MPDZ: variants seen among roughly 807,000 people sequenced by gnomAD.
MPDZ encodes multiple PDZ domain crumbs cell polarity complex component, also known as multiple PDZ domain protein.
A neutral mutation model predicts 239.1 loss-of-function variants in MPDZ; 234 were observed. The ratio of observed to expected loss-of-function variants is 0.98; its 90% confidence interval spans 0.88 to 1.09. The LOEUF (loss-of-function observed/expected upper bound fraction) is 1.09. MPDZ is among the 50% of genes least tolerant of loss of function. The pLI, the probability that MPDZ is intolerant of heterozygous loss-of-function variation, is 0.00. For synonymous variants in MPDZ, 1,048 were observed against 881.3 expected (o/e 1.19, Z -3.35); for missense variants, 3,175 against 2,510.0 (o/e 1.26, Z -5.66).
chr9:13,109,912 A>T, intron 45 of MPDZ, 40 bp downstream of exon 45: 3 of 1,504,120 alleles, frequency 2.0e-6, no homozygotes, highest in Non-Finnish European at 2.7e-6. Context: ...CTTGATTCAT[A>T]AGTGAAAAAT....
intron 17 of MPDZ, 42 bp from the exon 18 acceptor site, chr9:13,186,428 G>C (rs1393923081): frequency 3.0e-6 from 4 of 1,337,486 alleles, no homozygotes; most frequent in Middle Eastern, 3.6e-4. Context: ...AGAGAGAACA[G>C]CAAAGAAGAA....
At chr9:13,230,222 C>A (rs1310685819) in intron 3 of MPDZ, among the ~76,000 whole-genome samples, 1 of 152,050 alleles carries the variant, frequency 6.6e-6, no homozygotes, top group Non-Finnish European at 1.5e-5. Context: ...AAATGGTACA[C>A]CCCACTGAAA....
At chr9:13,210,485 T>C (rs1957494771) in intron 10 of MPDZ, among the ~76,000 whole-genome samples, 1 of 151,964 alleles carries the variant, frequency 6.6e-6, no homozygotes, top group Non-Finnish European at 1.5e-5. Flanking sequence ...ATTTCCCCCT[T>C]GACTTCAAGT....
intron 32 of MPDZ, among the ~76,000 whole-genome samples, chr9:13,131,642 G>C (rs944339232): frequency 1.3e-5 from 2 of 152,156 alleles, no homozygotes; most frequent in African/African-American, 4.8e-5. Flanking sequence ...GTTTCAGCAA[G>C]AAATTCTGAG....
chr9:13,110,433 A>G (rs927133165), intron 44 of MPDZ, among the ~76,000 whole-genome samples: 21 of 152,300 alleles, frequency 1.4e-4, no homozygotes, highest in African/African-American at 4.6e-4. Context: ...AAAGTATAAA[A>G]CAATCAATGC....
At chr9:13,216,937 T>G in intron 9 of MPDZ, 75 bp from the exon 10 acceptor site, 1 of 1,114,956 alleles carries the variant, frequency 9.0e-7, no homozygotes, top group Non-Finnish European at 1.3e-6. Flanking sequence ...ATTCTCCAAC[T>G]ATAAAGCTCT....
intron 10 of MPDZ, among the ~76,000 whole-genome samples, chr9:13,208,477 C>G (rs1174914857): frequency 6.6e-6 from 1 of 150,860 alleles, no homozygotes; most frequent in Non-Finnish European, 1.5e-5. Context: ...AAAAAAAAGA[C>G]CTAGATCAGT....
rs373573260 is a variant in MPDZ at position 13,125,415 on chromosome 9, G to C, written c.4633-25C>G. The C allele has an allele frequency of 3.8e-6, 6 of 1,598,024 alleles. No homozygotes were observed. In the South Asian group the frequency reaches 6.7e-5, roughly 18 times the overall value. On this transcript the variant is annotated intron_variant, in intron 34 of 46. Coordinates refer to ENST00000319217, the MANE Select transcript of MPDZ (RefSeq NM_001378778.1). Reference sequence around the variant, plus strand: ...ACTGGCAGGGTGTATGTGTGGAAGAGAAACAAAATTCAAAGCTGAATTAGT... The same window carrying C: ...ACTGGCAGGGTGTATGTGTGGAAGACAAACAAAATTCAAAGCTGAATTAGT...
chr9:13,269,660 A>T (rs1459610255), intron 1 of MPDZ, among the ~76,000 whole-genome samples: 2 of 152,216 alleles, frequency 1.3e-5, no homozygotes. Flanking sequence ...TAAAAGAAGT[A>T]TTTTTCATAA....
chr9:13,251,851 TG>T (rs1432206163), intron 1 of MPDZ, among the ~76,000 whole-genome samples: 6 of 152,236 alleles, frequency 3.9e-5, no homozygotes, highest in African/African-American at 1.4e-4. Flanking sequence ...TACTGGCACT[TG>T]TTTTAAAAAG....
rs869272418 is a variant in MPDZ, at chr9:13,136,325, C to CTTTTTTTT, written c.4293-151_4293-144dup. 239 of 156,696 alleles carry CTTTTTTTT rather than the reference C, an allele frequency of 1.5e-3. 17 individuals are homozygous for CTTTTTTTT. The highest frequency in any genetic ancestry group is 5.4e-3 in the East Asian group (25 of 4,624). 9.7% of individuals were successfully genotyped at this position (156,696 alleles called of 1,614,324 possible). ...ACACTTACAAATTTACAAACGTTTT[C>CTTTTTTTT]TTTTTTTTTTTTTTTTTTTTTTTTG... On this transcript the variant is annotated intron_variant, in intron 30 of 46. Transcript: ENST00000319217.
At chr9:13,217,814 CAT>C (rs1958552444) in intron 8 of MPDZ, among the ~76,000 whole-genome samples, 1 of 151,866 alleles carries the variant, frequency 6.6e-6, no homozygotes. Flanking sequence ...TAAGACTCTA[CAT>C]GTCTTAATTC....
intron 3 of MPDZ, among the ~76,000 whole-genome samples, chr9:13,234,106 A>G (rs952852438): frequency 6.6e-6 from 1 of 152,166 alleles, no homozygotes; most frequent in Non-Finnish European, 1.5e-5. Context: ...TAATTATGCC[A>G]TACTTTCACA....
At chr9:13,207,451 T>C (rs2135738677) in intron 10 of MPDZ, among the ~76,000 whole-genome samples, 1 of 152,296 alleles carries the variant, frequency 6.6e-6, no homozygotes, top group East Asian at 1.9e-4. Flanking sequence ...TTCCTCTGAC[T>C]TGCAGTTCTC....
At chr9:13,199,372 A>G (rs913760979) in intron 12 of MPDZ, among the ~76,000 whole-genome samples, 5 of 151,848 alleles carry the variant, frequency 3.3e-5, no homozygotes, top group African/African-American at 1.2e-4. Flanking sequence ...AACTTTACTA[A>G]ATTCATGTAT....
At chr9:13,150,416 C>T (rs191626429) in intron 25 of MPDZ, 95 bp downstream of exon 25, 10 of 983,438 alleles carry the variant, frequency 1.0e-5, no homozygotes, top group Non-Finnish European at 5.4e-6. Context: ...AGCACATGTA[C>T]CCTAAAACTT....
chr9:13,255,208 G>A (rs1323800314), intron 1 of MPDZ, among the ~76,000 whole-genome samples: 1 of 152,148 alleles, frequency 6.6e-6, no homozygotes, highest in East Asian at 1.9e-4. Context: ...TCATGAAAGT[G>A]CAGCAATTCA....
At position 13,263,986 on chromosome 9, in the gene MPDZ, T is replaced by C. The variant is rs1272875864; in HGVS notation, c.-57-13614A>G. Among the ~76,000 whole-genome samples the C allele has an allele frequency of 4.6e-5, 7 of 152,276 alleles. No individual in the cohort carries two copies. In the East Asian group the frequency reaches 7.7e-4, roughly 17 times the overall value. ...ACATACACAGATCAAAATCACTACA[T>C]TGACCAAGAATCCACATACTTTAAG... is the stretch of plus-strand genomic sequence containing the variant. On this transcript the variant is annotated intron_variant, in intron 1 of 46. Coordinates refer to ENST00000319217, the MANE Select transcript of MPDZ (RefSeq NM_001378778.1).
chr9:13,110,585 G>C (rs1942284803), intron 44 of MPDZ, 51 bp downstream of exon 44: 1 of 1,278,332 alleles, frequency 7.8e-7, no homozygotes. Context: ...CAAAGCTCAT[G>C]TGTCTTCAGG....
Sources: gnomAD v4.1 joint callset for allele counts (sites outside exome capture counted in the v4.1 genomes callset) on GRCh38, gnomAD v4.1.1 for gene constraint, MANE v1.5 for transcripts, NCBI Gene and HGNC (gene_info 2026-07-23, HGNC 2026-07-21) for gene names.